Variants in NHSL1 observed in about 807,000 individuals in gnomAD.
NHSL1 encodes the protein NHS like 1.
A neutral mutation model predicts 95.0 loss-of-function variants in NHSL1; 48 were observed. The observed-to-expected ratio is 0.51, with a 90% CI of 0.40 to 0.64. The LOEUF is 0.64. Among genes scored for constraint, NHSL1 ranks in the 30% least tolerant of loss-of-function variants. The pLI, the probability that NHSL1 is intolerant of heterozygous loss-of-function variation, is 0.00. For missense variants in NHSL1, 1,971 were observed against 2,077.7 expected (o/e 0.95, Z 1.00); for synonymous variants, 783 against 833.9 (o/e 0.94, Z 1.05).
At chr6:138,451,288 T>C (rs555273682) in intron 3 of NHSL1, among the ~76,000 whole-genome samples, 3 of 152,254 alleles carry the variant, frequency 2.0e-5, no homozygotes, top group East Asian at 3.9e-4. Flanking sequence ...CCTGAAATGC[T>C]CCTCCCGTAG....
At chr6:138,546,427 C>CAAAAAAAAAAA (rs1177720465), upstream of NHSL1, among the ~76,000 whole-genome samples, 1 of 50,950 alleles carries the variant, frequency 2.0e-5, no homozygotes, top group African/African-American at 6.3e-5. Flanking sequence ...CCCATCTCTA[C>CAAAAAAAAAAA]AAAAAAAAAA....
At chr6:138,653,821 T>C (rs1562403415) in intron 1 of NHSL1, among the ~76,000 whole-genome samples, 1 of 152,204 alleles carries the variant, frequency 6.6e-6, no homozygotes, top group African/African-American at 2.4e-5. Context: ...CAAATACATA[T>C]GAAATGTTTC....
At chr6:138,542,428 C>T (rs1293187602) in intron 1 of NHSL1, among the ~76,000 whole-genome samples, 1 of 152,138 alleles carries the variant, frequency 6.6e-6, no homozygotes, top group Non-Finnish European at 1.5e-5. Flanking sequence ...CTAACCAGTG[C>T]CAGTAGGACA....
At chr6:138,576,721 C>T (rs552089194), upstream of NHSL1, among the ~76,000 whole-genome samples, 4 of 152,274 alleles carry the variant, frequency 2.6e-5, no homozygotes, top group East Asian at 3.9e-4. Flanking sequence ...CCTTCACCAG[C>T]GGGACGGAAG....
intron 1 of NHSL1, among the ~76,000 whole-genome samples, chr6:138,544,949 A>C (rs956439741): frequency 1.4e-5 from 2 of 144,830 alleles, no homozygotes; most frequent in Non-Finnish European, 3.0e-5. Context: ...TATAATCCAT[A>C]TGTGGCCAGA....
intron 1 of NHSL1, among the ~76,000 whole-genome samples, chr6:138,556,300 G>A (rs1330481924): frequency 6.6e-6 from 1 of 152,082 alleles, no homozygotes; most frequent in Non-Finnish European, 1.5e-5. Flanking sequence ...GAGTAACTAT[G>A]TAAAGTACCA....
At chr6:138,616,937 C>A (rs1471663127) in intron 1 of NHSL1, among the ~76,000 whole-genome samples, 1 of 152,206 alleles carries the variant, frequency 6.6e-6, no homozygotes. Context: ...GTGCTCCCAG[C>A]AGCTCTCAGA....
intron 1 of NHSL1, among the ~76,000 whole-genome samples, chr6:138,616,239 G>A (rs1384701376): frequency 2.0e-5 from 3 of 152,104 alleles, no homozygotes; most frequent in Middle Eastern, 3.4e-3. Context: ...TATACATTGC[G>A]GCACACCTAA....
intron 1 of NHSL1, among the ~76,000 whole-genome samples, chr6:138,683,003 C>T (rs1446747541): frequency 6.6e-6 from 1 of 152,194 alleles, no homozygotes; most frequent in African/African-American, 2.4e-5. Context: ...AAGTGAGGCA[C>T]AAGCGACAGC....
At chr6:138,627,875 C>T (rs1404459214) in intron 1 of NHSL1, among the ~76,000 whole-genome samples, 4 of 151,466 alleles carry the variant, frequency 2.6e-5, no homozygotes, top group African/African-American at 7.3e-5. Context: ...AACAAGACTC[C>T]GTCTAAAAAT....
At chr6:138,635,950 TAAA>T (rs930630887) in intron 1 of NHSL1, among the ~76,000 whole-genome samples, 3 of 94,348 alleles carry the variant, frequency 3.2e-5, no homozygotes, top group African/African-American at 8.2e-5. Context: ...CCGTCTCTAC[TAAA>T]AAAAAAAAAA....
chr6:138,432,548 CA>C lies in NHSL1; in HGVS notation c.1796del (p.Leu599ArgfsTer38), dbSNP rs1475773819. 1.9e-6 allele frequency: 3 copies of C among 1,551,950 alleles called. No individual in the cohort carries two copies. ...QTSNKEDAGS[L>X]YSEDHDGYCA... ...AGTAGCCATCGTGGTCCTCAGAATA[CA>C]GCGACCCAGCATCCTCTTTGTTGGA... is the stretch of plus-strand genomic sequence containing the variant. On this transcript the variant is annotated frameshift_variant, in exon 6 of 8. Transcript: ENST00000343505. LOFTEE classifies it high-confidence loss of function. The surrounding 1 kb of genome is among the most constrained non-coding windows in gnomAD (Gnocchi z 4.4).
chr6:138,455,774 T>C (rs1777572806), intron 3 of NHSL1, among the ~76,000 whole-genome samples: 1 of 133,400 alleles, frequency 7.5e-6, no homozygotes, highest in Non-Finnish European at 1.7e-5. Context: ...TAAACACTGG[T>C]AGTGCCACAC....
At position 138,432,543 on chromosome 6, in the gene NHSL1, G is replaced by C. The variant is rs1195886540; in HGVS notation, c.1802C>G (p.Ser601Cys). ...TGCACAGTAGCCATCGTGGTCCTCA[G>C]AATACAGCGACCCAGCATCCTCTTT... Reference protein sequence around the residue: ...SNKEDAGSLYSEDHDGYCASV... With the variant: ...SNKEDAGSLYCEDHDGYCASV... Residue 601 changes from serine to cysteine, a missense_variant, in exon 6 of 8, where the codon TCT becomes TGT. By Grantham distance (112) the Ser-to-Cys change is moderately radical (BLOSUM62 -1). This residue lies in a region of NHSL1 where 1,602 missense variants were observed against 1,654.5 expected (regional missense o/e 0.97). Coordinates refer to ENST00000343505, the MANE Select transcript of NHSL1 (RefSeq NM_001144060.2). The surrounding 1 kb of genome is among the most constrained non-coding windows in gnomAD (Gnocchi z 4.4). 9 of 1,552,018 alleles carry C rather than the reference G, an allele frequency of 5.8e-6. No individual in the cohort carries two copies. Among genetic ancestry groups the C allele is most frequent in the Non-Finnish European group, 7.8e-6 (9 of 1,147,092 alleles).
chr6:138,502,837 C>A (rs1289626145), upstream of NHSL1, among the ~76,000 whole-genome samples: 2 of 152,094 alleles, frequency 1.3e-5, no homozygotes, highest in Non-Finnish European at 2.9e-5. Flanking sequence ...TTGATAAACT[C>A]CTTAGAACAG....
chr6:138,505,217 C>G (rs1019564872), intron 1 of NHSL1, among the ~76,000 whole-genome samples: 1 of 152,090 alleles, frequency 6.6e-6, no homozygotes, highest in African/African-American at 2.4e-5. Flanking sequence ...AATCCAAAAA[C>G]TTTTTCACAA....
intron 3 of NHSL1, among the ~76,000 whole-genome samples, chr6:138,462,391 C>G (rs1420730778): frequency 1.3e-5 from 2 of 152,132 alleles, no homozygotes; most frequent in Non-Finnish European, 2.9e-5. Flanking sequence ...CCCACAAGAA[C>G]CAATCCCATC....
At chr6:138,496,652 C>T (rs1780371725) in intron 1 of NHSL1, among the ~76,000 whole-genome samples, 1 of 152,190 alleles carries the variant, frequency 6.6e-6, no homozygotes, top group Admixed American at 6.5e-5. Flanking sequence ...TCCCTTTACT[C>T]CAATGTTTGA....
At chr6:138,455,891 C>T (rs1001044727) in intron 3 of NHSL1, among the ~76,000 whole-genome samples, 8 of 152,178 alleles carry the variant, frequency 5.3e-5, no homozygotes, top group Non-Finnish European at 8.8e-5. Context: ...GAACAAAAGA[C>T]GAGATGATTG....
Sources: gnomAD v4.1 joint callset for allele counts (sites outside exome capture counted in the v4.1 genomes callset) on GRCh38, gnomAD v4.1.1 for gene constraint, gnomAD v4.1.1 regional missense constraint, Gnocchi (gnomAD v3.1) non-coding constraint, MANE v1.5 for transcripts, NCBI Gene and HGNC (gene_info 2026-07-23, HGNC 2026-07-21) for gene names.